Variants in KCNQ3 observed in about 807,000 individuals in gnomAD.
The protein encoded by KCNQ3 is potassium voltage-gated channel subfamily Q member 3, also known as potassium voltage-gated channel subfamily KQT member 3.
Under a neutral mutation model 92.5 loss-of-function variants are expected in KCNQ3, and 30 were observed. The ratio of observed to expected loss-of-function variants is 0.32; its 90% CI spans 0.24 to 0.44. The LOEUF (loss-of-function observed/expected upper bound fraction) is 0.44. Among genes scored for constraint, KCNQ3 ranks in the 20% least tolerant of loss-of-function variants. KCNQ3 has a pLI of 1.00. For missense variants in KCNQ3, 913 were observed against 1,140.3 expected (o/e 0.80, Z 2.87); for synonymous variants, 450 against 468.8 (o/e 0.96, Z 0.52).
intron 1 of KCNQ3, among the ~76,000 whole-genome samples, chr8:132,253,399 A>T (rs1181367199): frequency 1.3e-5 from 2 of 152,180 alleles, no homozygotes; most frequent in Non-Finnish European, 1.5e-5. Flanking sequence ...ATTACTAATC[A>T]CTTACTATGT....
chr8:132,277,074 TAA>T (rs928334456), intron 1 of KCNQ3, among the ~76,000 whole-genome samples: 1 of 148,044 alleles, frequency 6.8e-6, no homozygotes, highest in Non-Finnish European at 1.5e-5. Context: ...CAATAATTTT[TAA>T]AAAAAAAAAG....
chr8:132,308,715 T>C (rs1033735645), intron 1 of KCNQ3, among the ~76,000 whole-genome samples: 2 of 152,186 alleles, frequency 1.3e-5, no homozygotes, highest in Admixed American at 1.3e-4. Context: ...ATTGACCTGG[T>C]TTATTTGCTC....
intron 1 of KCNQ3, among the ~76,000 whole-genome samples, chr8:132,359,855 A>T (rs908047392): frequency 6.6e-6 from 1 of 152,156 alleles, no homozygotes; most frequent in African/African-American, 2.4e-5. Context: ...GCACTGCCAC[A>T]TCTGCCAACT....
chr8:132,239,710 A>T (rs1463753056), intron 1 of KCNQ3, among the ~76,000 whole-genome samples: 1 of 152,186 alleles, frequency 6.6e-6, no homozygotes, highest in East Asian at 1.9e-4. Context: ...AATTTTAGAT[A>T]GATTGTAGAA....
chr8:132,209,532 CACACACACACAA>C (rs1335359894), intron 1 of KCNQ3, among the ~76,000 whole-genome samples: 3 of 144,896 alleles, frequency 2.1e-5, no homozygotes, highest in South Asian at 2.3e-4. Flanking sequence ...ATTCACACCA[CACACACACACAA>C]ACACACACAC....
intron 1 of KCNQ3, among the ~76,000 whole-genome samples, chr8:132,335,444 C>T (rs1245438687): frequency 6.6e-6 from 1 of 152,138 alleles, no homozygotes; most frequent in African/African-American, 2.4e-5. Context: ...AACTCTATCC[C>T]CCTCACTTTG....
At chr8:132,396,629 G>A (rs920953775) in intron 1 of KCNQ3, among the ~76,000 whole-genome samples, 8 of 152,120 alleles carry the variant, frequency 5.3e-5, no homozygotes, top group African/African-American at 1.9e-4. Flanking sequence ...TTATAAGACA[G>A]TCCCCAAGAT....
At position 132,311,832 on chromosome 8, in the gene KCNQ3, A is replaced by G. The variant is rs916756576; in HGVS notation, c.387-125651T>C. On this transcript the variant is annotated intron_variant, in intron 1 of 14. Coordinates refer to ENST00000388996, the MANE Select transcript of KCNQ3 (RefSeq NM_004519.4). ...TAGTTGAGCTGAATAATGTCCCCCA[A>G]ATTTGTCTATTCAGATCCTCAGAAT... 2.0e-5 allele frequency among the ~76,000 whole-genome samples: 3 copies of G among 152,152 alleles called. No homozygotes were observed. In the South Asian group the frequency reaches 6.2e-4, roughly 32 times the overall value.
At chr8:132,266,270 T>C (rs899264661) in intron 1 of KCNQ3, among the ~76,000 whole-genome samples, 2 of 152,194 alleles carry the variant, frequency 1.3e-5, no homozygotes, top group African/African-American at 4.8e-5. Flanking sequence ...TCAAACAACG[T>C]AAATGATGGA....
chr8:132,162,832 T>C (rs781158746), intron 9 of KCNQ3, among the ~76,000 whole-genome samples: 13 of 151,526 alleles, frequency 8.6e-5, no homozygotes, highest in Non-Finnish European at 1.9e-4. Context: ...TCTGCCCAAA[T>C]TCTGTCAGCA....
At chr8:132,187,662 A>AGTG (rs1227564798) in intron 1 of KCNQ3, among the ~76,000 whole-genome samples, 6 of 140,374 alleles carry the variant, frequency 4.3e-5, no homozygotes, top group East Asian at 2.2e-4. Context: ...TTGTGATGAT[A>AGTG]GTGGTGGTGG....
intron 8 of KCNQ3, among the ~76,000 whole-genome samples, chr8:132,167,180 G>C (rs62519568): frequency 0.05 from 7,656 of 152,212 alleles, 311 homozygotes; most frequent in Non-Finnish European, 0.074. Context: ...ATAAAAGAAA[G>C]ACAATATATC....
chr8:132,305,868 G>A (rs562529524), intron 1 of KCNQ3, among the ~76,000 whole-genome samples: 1 of 144,310 alleles, frequency 6.9e-6, no homozygotes, highest in South Asian at 2.4e-4. Flanking sequence ...GAGTTTTTTG[G>A]GGGGTTTTTT....
At position 132,431,594 on chromosome 8, in the gene KCNQ3, G is replaced by A. The variant is rs115015092; in HGVS notation, c.386+48553C>T. Among the ~76,000 whole-genome samples, 796 of 151,538 alleles carry A rather than the reference G, an allele frequency of 5.3e-3. 7 individuals are homozygous for A. Among genetic ancestry groups the A allele is most frequent in the African/African-American group, 0.019 (768 of 41,494 alleles). ...CATGGAGCCTGGCTCACCTGAGAGA[G>A]GACCCCATGTAAACATATGTATGGG... On this transcript the variant is annotated intron_variant, in intron 1 of 14. Coordinates refer to ENST00000388996, the MANE Select transcript of KCNQ3 (RefSeq NM_004519.4).
At chr8:132,321,212 T>A (rs1817884011) in intron 1 of KCNQ3, among the ~76,000 whole-genome samples, 1 of 152,198 alleles carries the variant, frequency 6.6e-6, no homozygotes, top group South Asian at 2.1e-4. Context: ...TGCCCAATCA[T>A]AAGGTGTTGT....
At chr8:132,412,346 G>A (rs550852903) in intron 1 of KCNQ3, among the ~76,000 whole-genome samples, 1 of 151,738 alleles carries the variant, frequency 6.6e-6, no homozygotes, top group South Asian at 2.1e-4. Context: ...TCCCCTTCTG[G>A]GTGATTCTGA....
chr8:132,199,054 C>T (rs1827383674), intron 1 of KCNQ3, among the ~76,000 whole-genome samples: 1 of 152,058 alleles, frequency 6.6e-6, no homozygotes, highest in South Asian at 2.1e-4. Flanking sequence ...TTCAGTAGTA[C>T]AACATGAACC....
chr8:132,364,686 C>CAGACGGAT (rs1554648101), intron 1 of KCNQ3, among the ~76,000 whole-genome samples: 3 of 114,584 alleles, frequency 2.6e-5, no homozygotes, highest in Non-Finnish European at 5.4e-5. Context: ...GACGGACGGA[C>CAGACGGAT]GGACGGACGG....
At position 132,244,942 on chromosome 8, in the gene KCNQ3, A is replaced by T. The variant is rs957650172; in HGVS notation, c.387-58761T>A. On this transcript the variant is annotated intron_variant, in intron 1 of 14. Transcript: ENST00000388996. ...GACCAAAAAAAAAAAAAAAAAAAAG[A>T]TGAAAAAGCTACCCACGATTCCACT... 3.5e-5 allele frequency among the ~76,000 whole-genome samples: 5 copies of T among 141,500 alleles called. No individual in the cohort carries two copies. In the Admixed American group the frequency reaches 3.6e-4, roughly 10 times the overall value. 92.8% of individuals were successfully genotyped at this position (141,500 alleles called of 152,430 possible).
Sources: allele counts gnomAD v4.1 joint callset (sites outside exome capture counted in the v4.1 genomes callset), GRCh38; gene constraint gnomAD v4.1.1; transcripts MANE v1.5; gene names NCBI Gene and HGNC (gene_info 2026-07-23, HGNC 2026-07-21).